Variants in WDR27 observed in about 807,000 individuals in gnomAD.
WDR27 encodes the protein WD repeat domain 27, also known as WD repeat-containing protein 27.
A neutral mutation model predicts 114.4 loss-of-function variants in WDR27; 100 were observed. The ratio of observed to expected loss-of-function variants is 0.87; its 90% CI spans 0.74 to 1.03. WDR27 has a LOEUF of 1.03. Among genes scored for constraint, WDR27 ranks in the 50% least tolerant of loss-of-function variants. The probability of loss-of-function intolerance (pLI) is 0.00; values close to 1 mark genes in which losing one functional copy is unlikely to be tolerated. For missense variants in WDR27, 1,129 were observed against 1,092.9 expected (o/e 1.03, Z -0.47); for synonymous variants, 449 against 423.1 (o/e 1.06, Z -0.75).
chr6:169,491,335 G>A (rs761588612), intron 25 of WDR27, among the ~76,000 whole-genome samples: 1 of 151,916 alleles, frequency 6.6e-6, no homozygotes, highest in Non-Finnish European at 1.5e-5. Context: ...TGTAGGGTGG[G>A]GTTACTTAGT....
At chr6:169,701,212 T>C (rs1162720351) in intron 1 of WDR27, among the ~76,000 whole-genome samples, 1 of 152,184 alleles carries the variant, frequency 6.6e-6, no homozygotes, top group Non-Finnish European at 1.5e-5. Context: ...GCATTTCCGT[T>C]TTTTTAATGT....
At chr6:169,520,404 T>G (rs932669286) in intron 25 of WDR27, among the ~76,000 whole-genome samples, 1 of 152,150 alleles carries the variant, frequency 6.6e-6, no homozygotes, top group African/African-American at 2.4e-5. Context: ...TACAAAGAAT[T>G]TTTTAGTAAA....
At chr6:169,647,245 G>T (rs1159888373) in intron 16 of WDR27, among the ~76,000 whole-genome samples, 1 of 152,240 alleles carries the variant, frequency 6.6e-6, no homozygotes, top group African/African-American at 2.4e-5. Flanking sequence ...GTGAGAATCG[G>T]GCGACTGTCA....
Position 169,633,069 on chromosome 6 carries a change from C to T in WDR27, c.2102-1G>A. 4 of 1,576,582 alleles carry T rather than the reference C, an allele frequency of 2.5e-6. No individual in the cohort carries two copies. Among genetic ancestry groups the T allele is most frequent in the Non-Finnish European group, 3.5e-6 (4 of 1,151,116 alleles). On this transcript the variant is annotated splice_acceptor_variant, in intron 20 of 25. Transcript: ENST00000448612. LOFTEE classifies it high-confidence loss of function. ...TTCCGGCCAGCTGCGAGTACGATGT[C>T]TGCGATAATCCAGTTAGGGAGCTCT...
At chr6:169,616,303 C>A (rs897981042) in intron 21 of WDR27, among the ~76,000 whole-genome samples, 10 of 152,146 alleles carry the variant, frequency 6.6e-5, no homozygotes, top group African/African-American at 2.4e-4. Flanking sequence ...GCCTGGCCAA[C>A]ATGGTGAAAC....
chr6:169,462,862 C>T (rs1220786227), intron 25 of WDR27, among the ~76,000 whole-genome samples: 1 of 152,056 alleles, frequency 6.6e-6, no homozygotes, highest in African/African-American at 2.4e-5. Context: ...ATACAAAACC[C>T]ACATGATCAT....
chr6:169,568,703 G>T (rs2128124541), intron 25 of WDR27, among the ~76,000 whole-genome samples: 1 of 152,326 alleles, frequency 6.6e-6, no homozygotes, highest in East Asian at 1.9e-4. Context: ...AAGGACAGAT[G>T]GAAACGGATG....
At chr6:169,486,622 G>A (rs1788951388) in intron 25 of WDR27, among the ~76,000 whole-genome samples, 1 of 152,168 alleles carries the variant, frequency 6.6e-6, no homozygotes, top group African/African-American at 2.4e-5. Flanking sequence ...CTCCTGAGTA[G>A]CTGGGATTAT....
chr6:169,655,238 T>C (rs1584940861), intron 13 of WDR27, among the ~76,000 whole-genome samples: 1 of 152,224 alleles, frequency 6.6e-6, no homozygotes, highest in African/African-American at 2.4e-5. Flanking sequence ...AGAGGCGGCG[T>C]GTGCTGCTGG....
At chr6:169,436,571 CTCTG>C in the WDR27 span, among the ~76,000 whole-genome samples, 9 of 152,108 alleles carry the variant, frequency 5.9e-5, no homozygotes, top group Admixed American at 2.0e-4. Flanking sequence ...TAATTACTAG[CTCTG>C]TCTAATGTCT....
intron 6 of WDR27, among the ~76,000 whole-genome samples, chr6:169,666,026 TAAAA>T (rs200896911): frequency 6.6e-6 from 1 of 151,618 alleles, no homozygotes; most frequent in Non-Finnish European, 1.5e-5. Context: ...CTTGTTTCCT[TAAAA>T]AAAAATTGTT....
At chr6:169,621,971 A>T (rs1813466615) in intron 21 of WDR27, among the ~76,000 whole-genome samples, 2 of 152,340 alleles carry the variant, frequency 1.3e-5, no homozygotes, top group South Asian at 4.1e-4. Context: ...AGCTAAAGGG[A>T]AAAAGTCAAG....
At chr6:169,689,931 A>G (rs981391410) in intron 1 of WDR27, among the ~76,000 whole-genome samples, 33 of 152,026 alleles carry the variant, frequency 2.2e-4, no homozygotes, top group African/African-American at 7.7e-4. Flanking sequence ...GGTCATGTGG[A>G]TTCAGAGGAT....
At chr6:169,694,716 G>A (rs999069457) in intron 1 of WDR27, among the ~76,000 whole-genome samples, 4 of 152,226 alleles carry the variant, frequency 2.6e-5, no homozygotes, top group South Asian at 2.1e-4. Context: ...CCGTCAGGAC[G>A]GCCCCCTGGT....
At chr6:169,518,619 C>T (rs551429064) in intron 25 of WDR27, among the ~76,000 whole-genome samples, 1 of 152,364 alleles carries the variant, frequency 6.6e-6, no homozygotes, top group Admixed American at 6.5e-5. Flanking sequence ...CTCTCCTAGG[C>T]TTCTGGGGCT....
intron 2 of WDR27, among the ~76,000 whole-genome samples, chr6:169,680,965 C>T (rs750297316): frequency 6.6e-6 from 1 of 152,142 alleles, no homozygotes; most frequent in African/African-American, 2.4e-5. Flanking sequence ...TTTCAATATG[C>T]CTCTTTCAAT....
At chr6:169,600,522 A>G (rs1807758847) in intron 23 of WDR27, among the ~76,000 whole-genome samples, 1 of 152,232 alleles carries the variant, frequency 6.6e-6, no homozygotes, top group Non-Finnish European at 1.5e-5. Flanking sequence ...CTCCGAGCTA[A>G]AGGAGGAAGT....
chr6:169,641,099 C>A (rs1303556669), intron 17 of WDR27, among the ~76,000 whole-genome samples: 1 of 152,212 alleles, frequency 6.6e-6, no homozygotes, highest in East Asian at 1.9e-4. Flanking sequence ...GCAGGGGTTG[C>A]GAAGTGCCAC....
chr6:169,480,331 C>T (rs576011865), intron 25 of WDR27, among the ~76,000 whole-genome samples: 55 of 152,324 alleles, frequency 3.6e-4, no homozygotes, highest in African/African-American at 1.3e-3. Flanking sequence ...CTGCCACTCC[C>T]GTGAGCTCCC....
Sources: allele counts gnomAD v4.1 joint callset (sites outside exome capture counted in the v4.1 genomes callset), GRCh38; gene constraint gnomAD v4.1.1; transcripts MANE v1.5; gene names NCBI Gene and HGNC (gene_info 2026-07-23, HGNC 2026-07-21).